Variants in GLIPR1 observed in about 807,000 individuals in gnomAD.
The protein encoded by GLIPR1 is GLI pathogenesis related 1, also known as glioma pathogenesis-related protein 1.
Under a neutral mutation model 30.3 loss-of-function variants are expected in GLIPR1, and 38 were observed. That is an observed-to-expected ratio of 1.26 (90% CI 0.97 to 1.65). GLIPR1 has a LOEUF of 1.65. Ranked by LOEUF, GLIPR1 falls within the 40% of genes most tolerant of loss-of-function variation. The pLI is 0.00. For synonymous variants in GLIPR1, 122 were observed against 110.6 expected, an observed-to-expected ratio of 1.10 and a Z score of -0.65; for missense variants, 285 against 326.5, an observed-to-expected ratio of 0.87 and a Z score of 0.98.
chr12:75,490,325 T>C, intron 2 of GLIPR1, 81 bp from the exon 3 acceptor site: 1 of 786,340 alleles, frequency 1.3e-6, no homozygotes, highest in Non-Finnish European at 2.2e-6. Context: ...GTGGTATACC[T>C]CACCATGTTT....
intron 3 of GLIPR1, chr12:75,491,889 TGAAA>T (rs755217217): frequency 3.9e-5 from 6 of 152,130 alleles, no homozygotes; most frequent in African/African-American, 1.4e-4. Context: ...GGAGATTGGC[TGAAA>T]GAAAGCCATT....
intron 2 of GLIPR1, among the ~76,000 whole-genome samples, chr12:75,485,561 A>ATTTATTTATTTATTTT (rs766932767): frequency 6.7e-5 from 10 of 148,786 alleles, no homozygotes; most frequent in South Asian, 2.1e-4. Flanking sequence ...TTATTTATTT[A>ATTTATTTATTTATTTT]TTTTTTTGAG....
intron 2 of GLIPR1, among the ~76,000 whole-genome samples, chr12:75,488,501 C>T (rs1298997440): frequency 6.6e-6 from 1 of 152,170 alleles, no homozygotes; most frequent in African/African-American, 2.4e-5. Flanking sequence ...TGCACCATTG[C>T]ACTCCAGCCT....
rs2046410026 is a variant in GLIPR1, at chr12:75,503,808, T to TAC, written c.*4834_*4835dup. On this transcript the variant is annotated 3_prime_UTR_variant, in exon 6 of 6. Transcript: ENST00000266659. ...CACACACACACACAATATATATATA[T>TAC]ACACATATCCCACCTGAAATACTTT... 3 of 1,065,830 alleles carry TAC rather than the reference T, an allele frequency of 2.8e-6. No individual in the cohort carries two copies. The highest frequency in any genetic ancestry group is 1.6e-5 in the African/African-American group (1 of 62,884). 66.0% of individuals were successfully genotyped at this position (1,065,830 alleles called of 1,614,324 possible).
Position 75,498,830 on chromosome 12 carries a change from A to C in GLIPR1, c.653A>C (p.Tyr218Ser). The change falls in exon 6 of 6, where the codon TAC (tyrosine) becomes TCC (serine). Residue 218 changes from tyrosine (Y) to serine (S), a missense_variant. Coordinates refer to ENST00000266659, the MANE Select transcript of GLIPR1 (RefSeq NM_006851.3). ...TTCTATGTTTGTTTCACAGGTTACT[A>C]CTCTGTTGTATATCCAGGCTGGCCC... Reference protein sequence around the residue: ...NRQRDQVKRYYSVVYPGWPIY... With the variant: ...NRQRDQVKRYSSVVYPGWPIY... The C allele has an allele frequency of 1.2e-6, 2 of 1,612,606 alleles. No homozygotes were observed. The highest frequency in any genetic ancestry group is 1.7e-6 in the Non-Finnish European group (2 of 1,178,978).
rs116960901 is a variant in GLIPR1 at position 75,502,296 on chromosome 12, T to G, written c.*3318T>G. On this transcript the variant is annotated 3_prime_UTR_variant, in exon 6 of 6. Transcript: ENST00000266659. ...CTGGAGAGAGAGTTTTGGGGAAAAT[T>G]TGAAGAAGCTTCAATGGCAGACAAA... is the stretch of plus-strand genomic sequence containing the variant. 2 of 251,072 alleles carry G rather than the reference T, an allele frequency of 8.0e-6. No individual in the cohort carries two copies. Among genetic ancestry groups the G allele is most frequent in the Non-Finnish European group, 1.5e-5 (2 of 131,904 alleles). 15.6% of individuals were successfully genotyped at this position (251,072 alleles called of 1,614,324 possible).
At chr12:75,495,520 A>G in intron 3 of GLIPR1, 57 bp from the exon 4 acceptor site, 1 of 866,610 alleles carries the variant, frequency 1.2e-6, no homozygotes, top group Non-Finnish European at 2.0e-6. Context: ...TTCATAGTAA[A>G]TTGCAATTTT....
At chr12:75,493,713 A>G (rs1340516054) in intron 3 of GLIPR1, 1 of 152,216 alleles carries the variant, frequency 6.6e-6, no homozygotes, top group Non-Finnish European at 1.5e-5. Flanking sequence ...CTACCAGGGA[A>G]AACATTGAAA....
Position 75,495,507 on chromosome 12 carries a change from G to A in GLIPR1, c.534-70G>A, listed in dbSNP as rs1156529254. 5 of 772,998 alleles carry A rather than the reference G, an allele frequency of 6.5e-6. No homozygotes were observed. The African/African-American group carries it at 6.9e-5, about 11-fold the overall frequency. The allele number at this position is 772,998 out of a possible 1,614,324, so 47.9% of individuals were successfully genotyped here. On this transcript the variant is annotated intron_variant, in intron 3 of 5. Transcript: ENST00000266659. ...CCACTATTCTTCTGGATTTAGTTAA[G>A]GATTCATAGTAAATTGCAATTTTAA...
rs929228764 is a variant in GLIPR1, at chr12:75,482,095, A to G, written c.420+16A>G. The G allele has an allele frequency of 6.2e-7, 1 of 1,606,832 alleles. No homozygotes were observed. Among genetic ancestry groups the G allele is most frequent in the East Asian group, 2.2e-5 (1 of 44,788 alleles). ...CTACACTCAGGTAAGGATCTGCCCTATATTATCTTGAAACTGTCTTTTCAA... is the reference window on the plus strand; with the variant it reads ...CTACACTCAGGTAAGGATCTGCCCTGTATTATCTTGAAACTGTCTTTTCAA... On this transcript the variant is annotated intron_variant, in intron 2 of 5. Transcript: ENST00000266659.
At position 75,482,907 on chromosome 12, in the gene GLIPR1, C is replaced by T. The variant is rs557677218; in HGVS notation, c.420+828C>T. On this transcript the variant is annotated intron_variant, in intron 2 of 5. Transcript: ENST00000266659. ...CCATCCTTGTCAAACCAATAACGTA[C>T]GGTACTTAACCTATAATTGACTGTT... is the stretch of plus-strand genomic sequence containing the variant. 2.6e-5 allele frequency among the ~76,000 whole-genome samples: 4 copies of T among 152,108 alleles called. No homozygotes were observed. The South Asian group carries it at 6.2e-4, about 24-fold the overall frequency.
chr12:75,498,466 A>G (rs2046365571), intron 4 of GLIPR1: 4 of 444,214 alleles, frequency 9.0e-6, no homozygotes, highest in Non-Finnish European at 1.6e-5. Context: ...GTAATGGTAT[A>G]GTTTCCTTTT....
intron 4 of GLIPR1, chr12:75,497,883 TA>T (rs1166730207): frequency 7.4e-6 from 1 of 134,906 alleles, no homozygotes; most frequent in Non-Finnish European, 1.7e-5. Context: ...ATTGAACATT[TA>T]AAAATATATA....
chr12:75,483,974 GAA>G (rs1287103091), intron 2 of GLIPR1: 1 of 145,240 alleles, frequency 6.9e-6, no homozygotes, highest in African/African-American at 2.4e-5. Flanking sequence ...GAAATCGAAA[GAA>G]GAGAACATTT....
intron 3 of GLIPR1, chr12:75,494,094 C>CA (rs1445703366): frequency 6.6e-6 from 1 of 151,890 alleles, no homozygotes; most frequent in African/African-American, 2.4e-5. Context: ...GTAGAGTAAG[C>CA]AGAGGGCTAA....
At position 75,502,771 on chromosome 12, in the gene GLIPR1, A is replaced by G. The variant is rs2046403646; in HGVS notation, c.*3793A>G. On this transcript the variant is annotated 3_prime_UTR_variant, in exon 6 of 6. Coordinates refer to ENST00000266659, the MANE Select transcript of GLIPR1 (RefSeq NM_006851.3). ...GACATCACTGTTTCAAGAAGCTTAC[A>G]CAGCTACAGAAGAAAGATAAGTCAA... is the stretch of plus-strand genomic sequence containing the variant. 6.6e-6 allele frequency: 1 copy of G among 152,034 alleles called. No homozygotes were observed. The highest frequency in any genetic ancestry group is 1.9e-4 in the East Asian group (1 of 5,194). The allele number at this position is 152,034 out of a possible 1,614,324, so 9.4% of individuals were successfully genotyped here.
At chr12:75,481,803 A>T (rs781595510) in intron 1 of GLIPR1, 31 bp from the exon 2 acceptor site, 1 of 1,607,352 alleles carries the variant, frequency 6.2e-7, no homozygotes, top group Non-Finnish European at 8.5e-7. Context: ...TTTCAGATGA[A>T]CCCCCTATTG....
At chr12:75,490,891 G>A (rs529233134) in intron 3 of GLIPR1, 99 of 154,894 alleles carry the variant, frequency 6.4e-4, no homozygotes, top group Non-Finnish European at 8.6e-4. Flanking sequence ...TAGAAACTTG[G>A]CAATTTTACA....
intron 2 of GLIPR1, among the ~76,000 whole-genome samples, chr12:75,488,085 G>A (rs1486758541): frequency 6.6e-6 from 1 of 152,162 alleles, no homozygotes. Context: ...GTTTTGGTGG[G>A]TTTTAGCTGG....
Sources: gnomAD v4.1 joint callset for allele counts (sites outside exome capture counted in the v4.1 genomes callset) on GRCh38, gnomAD v4.1.1 for gene constraint, MANE v1.5 for transcripts, NCBI Gene and HGNC (gene_info 2026-07-23, HGNC 2026-07-21) for gene names.